The following PDXDC1 variants were observed in gnomAD, a reference collection of about 807,000 sequenced individuals.
The protein encoded by PDXDC1 is pyridoxal-dependent decarboxylase domain-containing protein 1.
PDXDC1 carries 42 observed loss-of-function variants against 100.1 expected under a neutral mutation model. The observed-to-expected ratio is 0.42, with a 90% CI of 0.33 to 0.54. PDXDC1 has a LOEUF of 0.54. Ranked by LOEUF, PDXDC1 falls within the 20% of genes least tolerant of loss-of-function variation. The probability of loss-of-function intolerance (pLI) is 0.10; values close to 1 mark genes in which losing one functional copy is unlikely to be tolerated. For missense variants in PDXDC1, 636 were observed against 979.2 expected (o/e 0.65, Z 4.68); for synonymous variants, 260 against 371.7 (o/e 0.70, Z 3.46).
At chr16:15,144,917 G>A in the PDXDC1 span, among the ~76,000 whole-genome samples, 1 of 152,192 alleles carries the variant, frequency 6.6e-6, no homozygotes, top group Admixed American at 6.5e-5. Context: ...CACCCTTCCA[G>A]TTCAAGGGGA....
intron 16 of PDXDC1, chr16:15,068,074 C>T: frequency 7.1e-7 from 1 of 1,408,866 alleles, no homozygotes; most frequent in Non-Finnish European, 9.7e-7. Context: ...TATAATGTTA[C>T]TAATTTCATA....
intron 8 of PDXDC1, among the ~76,000 whole-genome samples, chr16:15,011,631 C>CTTT: frequency 2.7e-4 from 35 of 131,292 alleles, no homozygotes; most frequent in African/African-American, 2.2e-4. Context: ...ACATTTTTTT[C>CTTT]TTTTTTTTTT....
intron 16 of PDXDC1, among the ~76,000 whole-genome samples, chr16:15,111,594 C>A (rs1419238007): frequency 1.4e-5 from 2 of 147,042 alleles, no homozygotes; most frequent in East Asian, 2.0e-4. Context: ...CCCGTCTCTA[C>A]TAAAAATACA....
rs773542253 is a variant in PDXDC1, at chr16:15,036,286, G to A, written c.*11G>A. The A allele has an allele frequency of 8.7e-6, 14 of 1,610,872 alleles. No homozygotes were observed. Among genetic ancestry groups the A allele is most frequent in the Non-Finnish European group, 1.2e-5 (14 of 1,177,558 alleles). On this transcript the variant is annotated 3_prime_UTR_variant, in exon 23 of 23. Coordinates refer to ENST00000396410, the MANE Select transcript of PDXDC1 (RefSeq NM_015027.4). ...GAGAGCTTAAGATGAGACTCATTGT[G>A]TGGTTTGAGACTGTACTGAGTATTG...
At chr16:15,053,671 G>A (rs1311041513) in intron 16 of PDXDC1, among the ~76,000 whole-genome samples, 2 of 152,138 alleles carry the variant, frequency 1.3e-5, no homozygotes, top group Non-Finnish European at 2.9e-5. Context: ...AGCACTTTGG[G>A]AGGCCGAGAC....
intron 3 of PDXDC1, among the ~76,000 whole-genome samples, chr16:15,001,045 A>T (rs1277823453): frequency 6.6e-6 from 1 of 152,190 alleles, no homozygotes; most frequent in Admixed American, 6.6e-5. Flanking sequence ...AATGAAATGT[A>T]TAGAAATGTT....
At chr16:15,141,653 C>T (rs567580751), downstream of PDXDC1, among the ~76,000 whole-genome samples, 2 of 151,954 alleles carry the variant, frequency 1.3e-5, no homozygotes, top group East Asian at 3.9e-4. Flanking sequence ...CCGTCCCCTC[C>T]TCTACACCAA....
intron 16 of PDXDC1, among the ~76,000 whole-genome samples, chr16:15,087,275 G>T (rs1358632146): frequency 6.6e-6 from 1 of 152,152 alleles, no homozygotes; most frequent in African/African-American, 2.4e-5. Flanking sequence ...TGCCAGGCAT[G>T]GTGCCTGACA....
chr16:15,040,813 A>G (rs923011315), downstream of PDXDC1, among the ~76,000 whole-genome samples: 5 of 152,170 alleles, frequency 3.3e-5, no homozygotes, highest in Non-Finnish European at 7.4e-5. Context: ...AAGGGTGGGC[A>G]TGGCCTGTCC....
chr16:15,123,406 G>C (rs1254942845), intron 16 of PDXDC1: 2 of 1,000,398 alleles, frequency 2.0e-6, no homozygotes, highest in South Asian at 1.4e-5. Context: ...AAAAACAAAT[G>C]ATGGCAGGAT....
At chr16:15,093,940 G>A (rs552666408) in intron 16 of PDXDC1, 1 of 598,956 alleles carries the variant, frequency 1.7e-6, no homozygotes. Flanking sequence ...CCAGAACAGA[G>A]AACATAGTCA....
intron 16 of PDXDC1, chr16:15,047,502 G>T (rs2044123265): frequency 6.2e-7 from 1 of 1,613,998 alleles, no homozygotes; most frequent in Non-Finnish European, 8.5e-7. Context: ...GGGGACCTCA[G>T]CTTTGGTGTC....
intron 16 of PDXDC1, chr16:15,126,989 C>G (rs990402758): frequency 3.9e-5 from 13 of 334,128 alleles, no homozygotes; most frequent in Non-Finnish European, 6.4e-5. Context: ...TGTGGTCTTG[C>G]TATGTTGCCC....
chr16:15,077,508 C>G (rs1316988838), intron 16 of PDXDC1, among the ~76,000 whole-genome samples: 1 of 152,130 alleles, frequency 6.6e-6, no homozygotes, highest in Non-Finnish European at 1.5e-5. Context: ...CGCCATGATT[C>G]TGAGGCCTCC....
intron 16 of PDXDC1, among the ~76,000 whole-genome samples, chr16:15,096,273 T>G (rs2046354634): frequency 6.6e-6 from 1 of 152,058 alleles, no homozygotes; most frequent in Non-Finnish European, 1.5e-5. Context: ...CATGCCCAGC[T>G]AATTTTTGTA....
intron 16 of PDXDC1, among the ~76,000 whole-genome samples, chr16:15,069,174 G>A (rs887189674): frequency 9.2e-5 from 14 of 152,142 alleles, no homozygotes; most frequent in African/African-American, 2.9e-4. Context: ...TGCGACCCCC[G>A]CAGAGGACAC....
chr16:15,128,688 C>T (rs952694390), intron 16 of PDXDC1, among the ~76,000 whole-genome samples: 8 of 152,074 alleles, frequency 5.3e-5, no homozygotes, highest in East Asian at 1.9e-4. Context: ...CACCTGTCCA[C>T]GCCTCAGTCA....
chr16:15,065,544 A>G (rs2044933236), intron 16 of PDXDC1, among the ~76,000 whole-genome samples: 1 of 152,214 alleles, frequency 6.6e-6, no homozygotes. Flanking sequence ...GTACCGTTCT[A>G]TGGGTCTTCT....
At chr16:15,007,994 T>A (rs1240187970) in intron 6 of PDXDC1, among the ~76,000 whole-genome samples, 3 of 152,298 alleles carry the variant, frequency 2.0e-5, no homozygotes, top group Admixed American at 6.5e-5. Flanking sequence ...TGAAAGGTTA[T>A]GTATTAAACT....
Sources: gnomAD v4.1 joint callset for allele counts (sites outside exome capture counted in the v4.1 genomes callset) on GRCh38, gnomAD v4.1.1 for gene constraint, MANE v1.5 for transcripts, NCBI Gene and HGNC (gene_info 2026-07-23, HGNC 2026-07-21) for gene names.